SYNJ2: variants seen among roughly 807,000 people sequenced by gnomAD.
SYNJ2 encodes the protein polyphosphatidylinositol phosphatase SYNJ2.
In SYNJ2, 116 loss-of-function variants were observed where a neutral mutation model predicts 141.3. That is an observed-to-expected ratio of 0.82 (90% CI 0.71 to 0.96). The LOEUF is 0.96. Ranked by LOEUF, SYNJ2 falls within the 40% of genes least tolerant of loss-of-function variation. The pLI is 0.00. For missense variants in SYNJ2, 1,873 were observed against 1,934.8 expected, an observed-to-expected ratio of 0.97 and a Z score of 0.60; for synonymous variants, 745 against 777.7, an observed-to-expected ratio of 0.96 and a Z score of 0.70.
chr6:158,006,226 CGT>C (rs1778067221), intron 1 of SYNJ2, among the ~76,000 whole-genome samples: 1 of 152,174 alleles, frequency 6.6e-6, no homozygotes. Flanking sequence ...TGCGCACACA[CGT>C]ATGCACACAC....
intron 25 of SYNJ2, among the ~76,000 whole-genome samples, chr6:158,091,697 C>T (rs1432873708): frequency 6.6e-6 from 1 of 150,508 alleles, no homozygotes; most frequent in Non-Finnish European, 1.5e-5. Context: ...TTGCAGTGAG[C>T]CAAGATAACG....
At chr6:157,988,597 C>T (rs1003371925) in intron 1 of SYNJ2, among the ~76,000 whole-genome samples, 13 of 152,110 alleles carry the variant, frequency 8.5e-5, no homozygotes, top group African/African-American at 3.1e-4. Context: ...CCCCTTTGTG[C>T]TTTTTGGCTG....
intron 22 of SYNJ2, 51 bp from the exon 23 acceptor site, chr6:158,086,804 C>G (rs202003562): frequency 3.2e-5 from 51 of 1,591,290 alleles, no homozygotes; most frequent in Admixed American, 1.7e-5. Flanking sequence ...GTGTCTGACA[C>G]GCTCACGTGT....
intron 1 of SYNJ2, among the ~76,000 whole-genome samples, chr6:157,991,374 T>C (rs1471887224): frequency 6.6e-6 from 1 of 152,140 alleles, no homozygotes; most frequent in Non-Finnish European, 1.5e-5. Context: ...GGCTCTGGGG[T>C]GGGCCTTGAG....
intron 12 of SYNJ2, chr6:158,067,966 G>C: frequency 5.1e-6 from 5 of 985,280 alleles, no homozygotes; most frequent in Non-Finnish European, 6.0e-6. Flanking sequence ...CCTGCAGGAA[G>C]GTGTGCATGT....
intron 12 of SYNJ2, 142 bp downstream of exon 12, chr6:158,066,777 C>A: frequency 1.0e-6 from 1 of 983,952 alleles, no homozygotes; most frequent in Non-Finnish European, 1.5e-6. Flanking sequence ...GCACCATGGC[C>A]TGACTCTCAA....
chr6:158,062,241 G>A (rs777458307), intron 8 of SYNJ2, 77 bp downstream of exon 8: 229 of 1,564,698 alleles, frequency 1.5e-4, no homozygotes, highest in Non-Finnish European at 1.8e-4. Context: ...GCTGCGTGCT[G>A]TGCCTTCTGC....
At chr6:158,081,405 A>G in intron 19 of SYNJ2, 27 bp from the exon 20 acceptor site, 1 of 1,613,932 alleles carries the variant, frequency 6.2e-7, no homozygotes, top group South Asian at 1.1e-5. Context: ...CGTTCTTGGC[A>G]TTGACTTGGA....
intron 2 of SYNJ2, 186 bp from the exon 3 acceptor site, chr6:158,028,570 C>T (rs1051624512): frequency 4.6e-5 from 33 of 724,346 alleles, no homozygotes; most frequent in African/African-American, 2.1e-4. Context: ...TGAGAAGCCC[C>T]GCCTGAAGCT....
Position 158,089,907 on chromosome 6 carries a change from G to T in SYNJ2, c.3525G>T (p.Glu1175Asp). ...AGATCAAAACCACCAATGCCCAGGA[G>T]GCAGAAGCAGCAATCCGGTGTCTCC... ...VKQIKTTNAQ[E>D]AEAAIRCLLE... The change falls in exon 25 of 27, where the codon GAG becomes GAT. Residue 1175 changes from glutamate to aspartate, a missense_variant. Glu to Asp is a conservative substitution (Grantham distance 45). Coordinates refer to ENST00000355585, the MANE Select transcript of SYNJ2 (RefSeq NM_003898.4). 6.2e-7 allele frequency: 1 copy of T among 1,614,146 alleles called. No individual in the cohort carries two copies. Among genetic ancestry groups the T allele is most frequent in the Non-Finnish European group, 8.5e-7 (1 of 1,180,026 alleles).
At chr6:158,079,508 G>A (rs1782542076) in intron 18 of SYNJ2, among the ~76,000 whole-genome samples, 1 of 151,916 alleles carries the variant, frequency 6.6e-6, no homozygotes, top group South Asian at 2.1e-4. Flanking sequence ...AAGTAGCTGG[G>A]ATTACAGGCG....
At chr6:158,032,099 C>T (rs545556304) in intron 3 of SYNJ2, among the ~76,000 whole-genome samples, 10 of 152,158 alleles carry the variant, frequency 6.6e-5, no homozygotes, top group East Asian at 1.9e-4. Context: ...TGTGGCTGTG[C>T]GACCTCAGAT....
In SYNJ2 at chr6:158,096,498, TA is replaced by T; in HGVS notation, c.*135del. ...GTGCATCTGTCACTCTCGTGTAGTT[TA>T]CAAAAATCGTGTCTCTTATTCAGTA... On this transcript the variant is annotated 3_prime_UTR_variant, in exon 27 of 27. Transcript: ENST00000355585. The T allele has an allele frequency of 9.3e-7, 1 of 1,077,986 alleles. No homozygotes were observed. The highest frequency in any genetic ancestry group is 1.6e-5 in the African/African-American group (1 of 63,060). 66.8% of individuals were successfully genotyped at this position (1,077,986 alleles called of 1,614,324 possible). A position where few individuals can be genotyped will look rare whatever the true frequency, so the allele number is the denominator to read the frequency against.
At chr6:158,086,764 T>C in intron 22 of SYNJ2, 91 bp from the exon 23 acceptor site, 1 of 1,170,166 alleles carries the variant, frequency 8.5e-7, no homozygotes, top group Non-Finnish European at 1.1e-6. Flanking sequence ...CAGGTCCCCC[T>C]GCCACAGTCG....
intron 17 of SYNJ2, 90 bp downstream of exon 17, chr6:158,076,872 G>C: frequency 7.0e-7 from 1 of 1,438,192 alleles, no homozygotes; most frequent in African/African-American, 1.4e-5. Context: ...CCCAGGCGCT[G>C]CTACATAAAT....
intron 1 of SYNJ2, among the ~76,000 whole-genome samples, chr6:158,001,952 G>A (rs957781358): frequency 5.3e-5 from 8 of 152,104 alleles, no homozygotes; most frequent in African/African-American, 1.2e-4. Context: ...CCCATGTGAC[G>A]AGGTTGTCTA....
At chr6:157,999,987 A>C (rs1777776129) in intron 1 of SYNJ2, among the ~76,000 whole-genome samples, 1 of 144,922 alleles carries the variant, frequency 6.9e-6, no homozygotes. Flanking sequence ...CCAGGAGTGC[A>C]CCTCGGCATG....
At chr6:158,082,360 G>GCA (rs1782749110) in intron 20 of SYNJ2, among the ~76,000 whole-genome samples, 1 of 151,186 alleles carries the variant, frequency 6.6e-6, no homozygotes, top group Non-Finnish European at 1.5e-5. Context: ...AGTGGCAGGT[G>GCA]CCTGTAATCC....
intron 23 of SYNJ2, among the ~76,000 whole-genome samples, chr6:158,088,034 A>ATTTTTTTTTTTTTTT (rs568222551): frequency 6.3e-5 from 2 of 31,922 alleles, no homozygotes; most frequent in Non-Finnish European, 1.4e-4. Flanking sequence ...CTGCTTTGGA[A>ATTTTTTTTTTTTTTT]TTTTTTTTTT....
Sources: gnomAD v4.1 joint callset for allele counts (sites outside exome capture counted in the v4.1 genomes callset) on GRCh38, gnomAD v4.1.1 for gene constraint, MANE v1.5 for transcripts, NCBI Gene and HGNC (gene_info 2026-07-23, HGNC 2026-07-21) for gene names.